EYA1: variants seen among roughly 807,000 people sequenced by gnomAD.
The protein encoded by EYA1 is EYA transcriptional coactivator and phosphatase 1.
Under a neutral mutation model 82.0 loss-of-function variants are expected in EYA1, and 16 were observed. That is an observed-to-expected ratio of 0.20 (90% CI 0.13 to 0.30). The LOEUF is 0.30. EYA1 is among the 10% of genes least tolerant of loss of function. The pLI is 1.00. For missense variants in EYA1, 633 were observed against 730.7 expected (o/e 0.87, Z 1.54); for synonymous variants, 261 against 264.4 (o/e 0.99, Z 0.12).
Position 71,204,489 on chromosome 8 carries a change from C to A in EYA1, c.1699-5069G>T, listed in dbSNP as rs10957540. ...GATGCACTTGCACATGCATGAACTG[C>A]AGAACTGTTTGCAGTAGTAAATACT... On this transcript the variant is annotated intron_variant, in intron 17 of 17. Coordinates refer to ENST00000340726, the MANE Select transcript of EYA1 (RefSeq NM_000503.6). 2.0e-5 allele frequency among the ~76,000 whole-genome samples: 3 copies of A among 152,180 alleles called. No homozygotes were observed. In the South Asian group the frequency reaches 6.2e-4, roughly 32 times the overall value.
chr8:71,271,943 T>C (rs112621028), intron 9 of EYA1, 46 bp from the exon 10 acceptor site: 7 of 1,609,910 alleles, frequency 4.3e-6, no homozygotes, highest in East Asian at 2.2e-5. Context: ...TCCATCACCA[T>C]GGTGCCAAGA....
chr8:71,492,894 C>T (rs1301668394), intron 2 of EYA1, among the ~76,000 whole-genome samples: 1 of 152,190 alleles, frequency 6.6e-6, no homozygotes, highest in African/African-American at 2.4e-5. Flanking sequence ...AGTTGTGTTT[C>T]CTGATCCTCT....
At chr8:71,406,940 G>T (rs1482113882) in intron 2 of EYA1, among the ~76,000 whole-genome samples, 6 of 143,432 alleles carry the variant, frequency 4.2e-5, no homozygotes, top group African/African-American at 1.3e-4. Flanking sequence ...CAAACAAAAA[G>T]ACAGCAGTAA....
chr8:71,432,994 A>C (rs1005058224), intron 2 of EYA1, among the ~76,000 whole-genome samples: 7 of 152,146 alleles, frequency 4.6e-5, no homozygotes, highest in Non-Finnish European at 1.0e-4. Context: ...TTAAAACTAG[A>C]AGTGCATACC....
At chr8:71,244,112 A>G (rs1812795291) in intron 12 of EYA1, among the ~76,000 whole-genome samples, 1 of 152,228 alleles carries the variant, frequency 6.6e-6, no homozygotes, top group Admixed American at 6.5e-5. Flanking sequence ...GACCAATAAA[A>G]TTAACAGCAG....
At chr8:71,419,951 G>A (rs1831054784) in intron 2 of EYA1, among the ~76,000 whole-genome samples, 1 of 151,884 alleles carries the variant, frequency 6.6e-6, no homozygotes, top group African/African-American at 2.4e-5. Flanking sequence ...CCTTATTATA[G>A]TAGCTTTTAA....
chr8:71,208,994 C>G (rs898109709), intron 17 of EYA1, among the ~76,000 whole-genome samples: 1 of 152,204 alleles, frequency 6.6e-6, no homozygotes, highest in African/African-American at 2.4e-5. Context: ...CTCTGCCTAC[C>G]ACAAGCTAGA....
intron 12 of EYA1, chr8:71,225,055 A>G (rs1239573379): frequency 3.3e-6 from 1 of 306,724 alleles, no homozygotes; most frequent in Non-Finnish European, 6.6e-6. Flanking sequence ...CCCTCTGTCC[A>G]TGAATTAGTA....
chr8:71,351,493 TCA>T (rs1207837674), intron 3 of EYA1, among the ~76,000 whole-genome samples: 1 of 152,208 alleles, frequency 6.6e-6, no homozygotes, highest in Non-Finnish European at 1.5e-5. Context: ...CAGTAACAAT[TCA>T]CAGAGGGGTT....
Position 71,299,114 on chromosome 8 carries a change from A to G in EYA1, c.759T>C (p.Asn253=). Reference sequence around the variant, plus strand: ...GCGGTTCTTGAAGCTGGTAAGTGGCATTGGTGGATGGTGTCGTTGGGCTGG... The same window carrying G: ...GCGGTTCTTGAAGCTGGTAAGTGGCGTTGGTGGATGGTGTCGTTGGGCTGG... ...SNTSPTTPST[N]ATYQLQEPPS... Residue 253 remains asparagine, a synonymous_variant, in exon 9 of 18, where the codon AAT becomes AAC. Transcript: ENST00000340726. 6.2e-7 allele frequency: 1 copy of G among 1,614,150 alleles called. No individual in the cohort carries two copies. The highest frequency in any genetic ancestry group is 8.5e-7 in the Non-Finnish European group (1 of 1,180,014).
chr8:71,496,995 C>A, intron 2 of EYA1, among the ~76,000 whole-genome samples: 1 of 150,506 alleles, frequency 6.6e-6, no homozygotes, highest in African/African-American at 2.4e-5. Flanking sequence ...AAAAATAAGA[C>A]AAATGAGATT....
intron 9 of EYA1, among the ~76,000 whole-genome samples, chr8:71,297,702 G>A (rs28669858): frequency 0.57 from 86,155 of 151,868 alleles, 24,949 homozygotes; most frequent in East Asian, 0.83. Flanking sequence ...AGTTCTATAA[G>A]AACTCCTATA....
chr8:71,429,186 C>G (rs1319075008), intron 2 of EYA1, among the ~76,000 whole-genome samples: 1 of 152,040 alleles, frequency 6.6e-6, no homozygotes, highest in Non-Finnish European at 1.5e-5. Context: ...TTAAAAGCAT[C>G]AAAATTAGCA....
At chr8:71,269,128 A>C (rs1022324875) in intron 11 of EYA1, among the ~76,000 whole-genome samples, 34 of 152,348 alleles carry the variant, frequency 2.2e-4, no homozygotes, top group Non-Finnish European at 4.0e-4. Flanking sequence ...CCAAATGTAC[A>C]ACATGGAAAC....
intron 4 of EYA1, among the ~76,000 whole-genome samples, chr8:71,325,820 C>T (rs1200015829): frequency 3.9e-5 from 6 of 152,090 alleles, no homozygotes; most frequent in South Asian, 2.1e-4. Flanking sequence ...CTGTATGGCT[C>T]GCACAATCTC....
At chr8:71,302,620 G>A (rs1332185881) in intron 7 of EYA1, among the ~76,000 whole-genome samples, 2 of 111,580 alleles carry the variant, frequency 1.8e-5, no homozygotes, top group Admixed American at 8.4e-5. Flanking sequence ...AGGGAGAGGT[G>A]TACATACTAG....
intron 2 of EYA1, among the ~76,000 whole-genome samples, chr8:71,386,980 C>T (rs80038095): frequency 0.013 from 1,985 of 152,216 alleles, 42 homozygotes; most frequent in African/African-American, 0.045. Context: ...GGGGGATTAG[C>T]CATGTCAATA....
chr8:71,337,587 A>G (rs948040366), intron 3 of EYA1, among the ~76,000 whole-genome samples: 9 of 152,224 alleles, frequency 5.9e-5, no homozygotes, highest in African/African-American at 1.9e-4. Context: ...GTTACCTACT[A>G]TAAGACTTTC....
chr8:71,462,564 A>C (rs1808442825), intron 2 of EYA1, among the ~76,000 whole-genome samples: 1 of 152,188 alleles, frequency 6.6e-6, no homozygotes. Flanking sequence ...CCAGCAGCTC[A>C]GCCCAGCCCT....
Sources: allele counts gnomAD v4.1 joint callset (sites outside exome capture counted in the v4.1 genomes callset), GRCh38; gene constraint gnomAD v4.1.1; transcripts MANE v1.5; gene names NCBI Gene and HGNC (gene_info 2026-07-23, HGNC 2026-07-21).